WARS2: variants seen among roughly 807,000 people sequenced by gnomAD.
WARS2 encodes the protein tryptophanyl tRNA synthetase 2, mitochondrial.
Under a neutral mutation model 36.5 loss-of-function variants are expected in WARS2, and 28 were observed. The observed-to-expected ratio is 0.77, with a 90% CI of 0.57 to 1.05. The LOEUF (loss-of-function observed/expected upper bound fraction) is 1.05. WARS2 is among the 50% of genes least tolerant of loss of function. The pLI, the probability that WARS2 is intolerant of heterozygous loss-of-function variation, is 0.00. For synonymous variants in WARS2, 174 were observed against 178.4 expected (o/e 0.98, Z 0.20); for missense variants, 435 against 456.8 (o/e 0.95, Z 0.44).
intron 1 of WARS2, among the ~76,000 whole-genome samples, chr1:119,100,425 C>A (rs1307765119): frequency 6.6e-6 from 1 of 152,164 alleles, no homozygotes; most frequent in Non-Finnish European, 1.5e-5. Context: ...TTTGATCCAG[C>A]AATCCCACTA....
chr1:119,046,480 TG>T (rs2101134194), intron 2 of WARS2, among the ~76,000 whole-genome samples: 1 of 151,404 alleles, frequency 6.6e-6, no homozygotes. Context: ...CCTGAGTAGC[TG>T]GGATTACAAG....
intron 2 of WARS2, among the ~76,000 whole-genome samples, chr1:119,050,347 C>T (rs1266158991): frequency 1.3e-5 from 2 of 152,200 alleles, no homozygotes; most frequent in African/African-American, 4.8e-5. Context: ...CTCAATCCCA[C>T]TCCCAGTTCT....
chr1:119,128,742 C>T (rs1655874932), intron 1 of WARS2, among the ~76,000 whole-genome samples: 1 of 152,058 alleles, frequency 6.6e-6, no homozygotes, highest in South Asian at 2.1e-4. Context: ...TTCCCCATTC[C>T]TTCTAACTTG....
chr1:119,055,762 G>T (rs1649735771), intron 2 of WARS2, among the ~76,000 whole-genome samples: 1 of 151,326 alleles, frequency 6.6e-6, no homozygotes, highest in South Asian at 2.1e-4. Flanking sequence ...AGGAAGGAAG[G>T]AAAGAAAGAA....
At chr1:119,034,341 G>T in intron 4 of WARS2, 128 bp from the exon 5 acceptor site, 1 of 762,038 alleles carries the variant, frequency 1.3e-6, no homozygotes. Context: ...ACCAACTATA[G>T]AGGGAATGTT....
intron 2 of WARS2, among the ~76,000 whole-genome samples, chr1:119,058,877 T>C (rs1650112343): frequency 6.7e-6 from 1 of 149,322 alleles, no homozygotes; most frequent in Non-Finnish European, 1.5e-5. Context: ...CCCTGAGGAA[T>C]CGCCACACTG....
At chr1:119,112,930 G>A (rs1654740754) in intron 1 of WARS2, among the ~76,000 whole-genome samples, 1 of 152,152 alleles carries the variant, frequency 6.6e-6, no homozygotes, top group East Asian at 1.9e-4. Context: ...AAGGGATTGA[G>A]AGTATTTGTA....
intron 2 of WARS2, among the ~76,000 whole-genome samples, chr1:119,070,734 C>A (rs1571314648): frequency 6.6e-6 from 1 of 151,758 alleles, no homozygotes; most frequent in East Asian, 2.0e-4. Flanking sequence ...CAGAGTGAGA[C>A]CCTGTCATAA....
At chr1:119,138,518 C>T (rs1656674098) in intron 1 of WARS2, among the ~76,000 whole-genome samples, 1 of 152,076 alleles carries the variant, frequency 6.6e-6, no homozygotes, top group Admixed American at 6.5e-5. Context: ...AAACAAATAA[C>T]TTTTAACCCA....
In WARS2 at chr1:119,137,694, G is replaced by T. The variant is rs587726404; in HGVS notation, c.90+2861C>A. On this transcript the variant is annotated intron_variant, in intron 1 of 5. Coordinates refer to ENST00000235521, the MANE Select transcript of WARS2 (RefSeq NM_015836.4). ...TTAACTCCTCTGACTTTATGACTAC[G>T]CTCATCTTGTCAGATTTCAACAGTT... Among the ~76,000 whole-genome samples the T allele has an allele frequency of 2.3e-4, 35 of 152,196 alleles. 1 individual carries two copies. In the South Asian group the frequency reaches 6.0e-3, roughly 26 times the overall value.
chr1:119,086,039 T>C, intron 1 of WARS2: 1 of 1,414,244 alleles, frequency 7.1e-7, no homozygotes, highest in Non-Finnish European at 9.7e-7. Flanking sequence ...TTTAAATTTC[T>C]CGTAGAGGCA....
chr1:119,089,686 C>CCTATAGAA (rs1416177783), intron 1 of WARS2, among the ~76,000 whole-genome samples: 1 of 152,090 alleles, frequency 6.6e-6, no homozygotes, highest in African/African-American at 2.4e-5. Flanking sequence ...GGAAATCTGT[C>CCTATAGAA]CTATAGAAAT....
In WARS2 at chr1:119,120,457, C is replaced by T. The variant is rs1387700511; in HGVS notation, c.90+20098G>A. 5.9e-5 allele frequency among the ~76,000 whole-genome samples: 9 copies of T among 151,792 alleles called. No individual in the cohort carries two copies. The East Asian group carries it at 7.7e-4, about 13-fold the overall frequency. On this transcript the variant is annotated intron_variant, in intron 1 of 5. Coordinates refer to ENST00000235521, the MANE Select transcript of WARS2 (RefSeq NM_015836.4). ...GTGCAGGACCAGATGGATTCACAGC[C>T]GAATTCTATCAGACATTCAAAGAAG...
In WARS2 at chr1:119,065,120, C is replaced by G. The variant is rs992196899; in HGVS notation, c.348+11230G>C. Among the ~76,000 whole-genome samples the G allele has an allele frequency of 2.6e-5, 4 of 152,058 alleles. No homozygotes were observed. The East Asian group carries it at 7.7e-4, about 29-fold the overall frequency. On this transcript the variant is annotated intron_variant, in intron 2 of 5. Coordinates refer to ENST00000235521, the MANE Select transcript of WARS2 (RefSeq NM_015836.4). ...CTGTACTTGGAAATCTAAACACATA[C>G]TTCTAAATAAATGATAGATCAAATA... is the stretch of plus-strand genomic sequence containing the variant.
intron 4 of WARS2, among the ~76,000 whole-genome samples, chr1:119,037,813 C>G (rs958889776): frequency 2.0e-5 from 3 of 152,178 alleles, no homozygotes; most frequent in Non-Finnish European, 4.4e-5. Context: ...CATACACATC[C>G]AGTCCTATCA....
At chr1:119,060,723 GT>G (rs1296610821) in intron 2 of WARS2, among the ~76,000 whole-genome samples, 1 of 152,172 alleles carries the variant, frequency 6.6e-6, no homozygotes, top group Non-Finnish European at 1.5e-5. Context: ...TAAGTGTCCT[GT>G]TTTGTGACTT....
chr1:119,044,201 C>T (rs1365370766), intron 3 of WARS2, among the ~76,000 whole-genome samples: 1 of 152,138 alleles, frequency 6.6e-6, no homozygotes, highest in East Asian at 1.9e-4. Context: ...GAGGATAAGA[C>T]TGGGATTTGA....
intron 1 of WARS2, among the ~76,000 whole-genome samples, chr1:119,089,796 T>C (rs1003651818): frequency 6.6e-6 from 1 of 152,148 alleles, no homozygotes; most frequent in Non-Finnish European, 1.5e-5. Flanking sequence ...TATGCAGCCA[T>C]AGAAAGGAAT....
In WARS2 at chr1:119,104,437, C is replaced by T. The variant is rs74114818; in HGVS notation, c.91-27830G>A. 4.2e-3 allele frequency among the ~76,000 whole-genome samples: 630 copies of T among 151,038 alleles called. 7 individuals carry two copies. The highest frequency in any genetic ancestry group is 0.015 in the African/African-American group (602 of 41,370). On this transcript the variant is annotated intron_variant, in intron 1 of 5. Transcript: ENST00000235521. ...CACATTTCTGATGAAAAAACTGATG[C>T]CTCAAGAAATTAACCAAATTGCCCA...
Sources: allele counts gnomAD v4.1 joint callset (sites outside exome capture counted in the v4.1 genomes callset), GRCh38; gene constraint gnomAD v4.1.1; transcripts MANE v1.5; gene names NCBI Gene and HGNC (gene_info 2026-07-23, HGNC 2026-07-21).